The following ITGA8 variants were observed in gnomAD, a reference collection of about 807,000 sequenced individuals.
The protein encoded by ITGA8 is integrin alpha-8.
A neutral mutation model predicts 142.3 loss-of-function variants in ITGA8; 91 were observed. That is an observed-to-expected ratio of 0.64 (90% confidence interval 0.54 to 0.76). The LOEUF (loss-of-function observed/expected upper bound fraction) is 0.76, where lower values mean the gene tolerates loss of function less well. Ranked by LOEUF, ITGA8 falls within the 30% of genes least tolerant of loss-of-function variation. The pLI, the probability that ITGA8 is intolerant of heterozygous loss-of-function variation, is 0.00. For synonymous variants in ITGA8, 505 were observed against 485.2 expected (o/e 1.04, Z -0.54); for missense variants, 1,406 against 1,327.7 (o/e 1.06, Z -0.92).
chr10:15,611,096 T>A lies in ITGA8; in HGVS notation c.1553+2564A>T, dbSNP rs543428458. On this transcript the variant is annotated intron_variant, in intron 15 of 29. Transcript: ENST00000378076. ...TAGAGTTTATGTGATAGTTTTCAGA[T>A]GTATGATATAAAGTTATATCAAATA... 9.2e-5 allele frequency among the ~76,000 whole-genome samples: 14 copies of A among 152,326 alleles called. No homozygotes were observed. In the South Asian group the frequency reaches 2.9e-3, roughly 32 times the overall value.
intron 22 of ITGA8, among the ~76,000 whole-genome samples, chr10:15,591,908 G>A (rs1176199569): frequency 6.6e-6 from 1 of 152,190 alleles, no homozygotes; most frequent in Non-Finnish European, 1.5e-5. Context: ...CCAGCTGAGA[G>A]CATGGGAATT....
At chr10:15,705,233 A>T (rs1224894776) in intron 2 of ITGA8, among the ~76,000 whole-genome samples, 1 of 152,168 alleles carries the variant, frequency 6.6e-6, no homozygotes, top group African/African-American at 2.4e-5. Context: ...CTATTATTTC[A>T]TGACTCCACT....
intron 2 of ITGA8, among the ~76,000 whole-genome samples, chr10:15,700,735 A>G (rs939040114): frequency 7.2e-5 from 11 of 152,034 alleles, no homozygotes; most frequent in Admixed American, 5.9e-4. Context: ...AAAACAAACA[A>G]TCCCATCAAA....
chr10:15,684,145 C>A lies in ITGA8; in HGVS notation c.445-18G>T. On this transcript the variant is annotated intron_variant, in intron 3 of 29. Coordinates refer to ENST00000378076, the MANE Select transcript of ITGA8 (RefSeq NM_003638.3). ...GCACAGGCCTAGGAAACATCAAAGA[C>A]AAAAAAATACATTTTTGATGTAGGT... The A allele has an allele frequency of 2.5e-6, 4 of 1,593,374 alleles. No individual in the cohort carries two copies. Among genetic ancestry groups the A allele is most frequent in the Admixed American group, 1.9e-5 (1 of 53,702 alleles).
intron 15 of ITGA8, among the ~76,000 whole-genome samples, chr10:15,612,228 GT>G: frequency 6.6e-6 from 1 of 152,110 alleles, no homozygotes; most frequent in Non-Finnish European, 1.5e-5. Flanking sequence ...GCAATAGGAT[GT>G]TTTTCAAAGA....
At chr10:15,566,023 A>C (rs2131576663) in intron 25 of ITGA8, among the ~76,000 whole-genome samples, 1 of 152,272 alleles carries the variant, frequency 6.6e-6, no homozygotes, top group Middle Eastern at 3.4e-3. Context: ...CCAGTACACG[A>C]AGGCAGTTAG....
At chr10:15,670,355 A>G (rs1454613430) in intron 8 of ITGA8, among the ~76,000 whole-genome samples, 2 of 152,206 alleles carry the variant, frequency 1.3e-5, no homozygotes, top group Non-Finnish European at 2.9e-5. Context: ...GAGTTAGTTA[A>G]TATTAGTGTC....
intron 2 of ITGA8, among the ~76,000 whole-genome samples, chr10:15,714,135 A>G (rs373238959): frequency 3.3e-5 from 5 of 152,276 alleles, no homozygotes; most frequent in African/African-American, 1.2e-4. Context: ...CATTTAAAAC[A>G]ATCAAATACT....
At chr10:15,694,613 T>TATA (rs1466760635) in intron 2 of ITGA8, among the ~76,000 whole-genome samples, 68 of 136,144 alleles carry the variant, frequency 5.0e-4, no homozygotes, top group African/African-American at 1.7e-3. Flanking sequence ...ATATAGTAAA[T>TATA]ATATTTTATT....
rs28411085 is a variant in ITGA8, at chr10:15,694,173, A to T, written c.344-6135T>A. ...TATATCAGATAATATATCATATATC[A>T]GATAATATATCATATATATGATAAT... On this transcript the variant is annotated intron_variant, in intron 2 of 29. Coordinates refer to ENST00000378076, the MANE Select transcript of ITGA8 (RefSeq NM_003638.3). Among the ~76,000 whole-genome samples the T allele has an allele frequency of 3.1e-4, 44 of 140,752 alleles. 1 individual carries two copies. The highest frequency in any genetic ancestry group is 9.9e-4 in the African/African-American group (36 of 36,350). The allele number at this position is 140,752 out of a possible 152,430, so 92.3% of individuals were successfully genotyped here. A position where few individuals can be genotyped will look rare whatever the true frequency, so the allele number is the denominator to read the frequency against.
chr10:15,717,237 T>C (rs760843223), intron 2 of ITGA8, among the ~76,000 whole-genome samples: 8 of 152,224 alleles, frequency 5.3e-5, no homozygotes, highest in Admixed American at 1.3e-4. Flanking sequence ...AATTGCTTCT[T>C]GGTGAAAACA....
At chr10:15,687,874 T>C in intron 3 of ITGA8, 64 bp downstream of exon 3, 1 of 972,182 alleles carries the variant, frequency 1.0e-6, no homozygotes, top group Non-Finnish European at 1.7e-6. Flanking sequence ...AAACATGAGC[T>C]TGAAAACATT....
Position 15,517,200 on chromosome 10 carries a change from G to T in ITGA8, c.3150C>A (p.Thr1050=), listed in dbSNP as rs199977895. The T allele has an allele frequency of 7.3e-4, 1,180 of 1,613,150 alleles. 23 individuals carry two copies. In the South Asian group the frequency reaches 0.012, roughly 17 times the overall value. The change falls in exon 30 of 30, where the codon ACC becomes ACA. Residue 1050 remains threonine (T), a synonymous_variant. Transcript: ENST00000378076. ...TGTCATTTGTCAGCTGTTCCCTGTC[G>T]GTCATGTCCTCCTGAGGAGGTCTGG... ...DRARPPQEDM[T]DREQLTNDKT...
chr10:15,672,574 C>A, intron 7 of ITGA8, 50 bp downstream of exon 7: 1 of 1,566,438 alleles, frequency 6.4e-7, no homozygotes, highest in Admixed American at 1.9e-5. Context: ...TCTACATTTA[C>A]TATGCTTGTC....
At chr10:15,647,179 A>G in intron 11 of ITGA8, 128 bp from the exon 12 acceptor site, 1 of 684,038 alleles carries the variant, frequency 1.5e-6, no homozygotes, top group Non-Finnish European at 2.5e-6. Context: ...TTTTACAATC[A>G]TCAGATTGCT....
intron 8 of ITGA8, 55 bp from the exon 9 acceptor site, chr10:15,660,977 A>G: frequency 7.2e-7 from 1 of 1,398,564 alleles, no homozygotes. Context: ...ACAAACACAC[A>G]CACACACGCC....
At chr10:15,546,708 AAAGT>A (rs1449441516) in intron 27 of ITGA8, among the ~76,000 whole-genome samples, 3 of 152,048 alleles carry the variant, frequency 2.0e-5, no homozygotes, top group African/African-American at 7.2e-5. Flanking sequence ...GAAAGAAAAT[AAAGT>A]AAGAAAGGAA....
chr10:15,652,667 A>G (rs1161432047), intron 11 of ITGA8, among the ~76,000 whole-genome samples: 2 of 152,238 alleles, frequency 1.3e-5, no homozygotes, highest in African/African-American at 4.8e-5. Flanking sequence ...TACAACTTAG[A>G]TAACTGAAGA....
At chr10:15,694,941 A>G (rs1454112515) in intron 2 of ITGA8, among the ~76,000 whole-genome samples, 2 of 151,918 alleles carry the variant, frequency 1.3e-5, no homozygotes, top group Non-Finnish European at 2.9e-5. Context: ...TCAAAAATTC[A>G]AACAGAGTTA....
Sources: allele counts gnomAD v4.1 joint callset (sites outside exome capture counted in the v4.1 genomes callset), GRCh38; gene constraint gnomAD v4.1.1; transcripts MANE v1.5; gene names NCBI Gene and HGNC (gene_info 2026-07-23, HGNC 2026-07-21).